Variants in PTGES observed in about 807,000 individuals in gnomAD.
PTGES encodes MGST1-like 1.
In PTGES, 3 loss-of-function variants were observed where a neutral mutation model predicts 11.8. The observed-to-expected ratio is 0.25, with a 90% CI of 0.12 to 0.66. PTGES has a LOEUF of 0.66. PTGES is among the 30% of genes least tolerant of loss of function. PTGES has a pLI of 0.82. For missense variants in PTGES, 180 were observed against 213.0 expected (o/e 0.85, Z 0.96); for synonymous variants, 94 against 90.4 (o/e 1.04, Z -0.22).
At chr9:129,752,844 A>G (rs762632042) in intron 1 of PTGES, 43 bp downstream of exon 1, 3 of 1,613,556 alleles carry the variant, frequency 1.9e-6, no homozygotes, top group Admixed American at 3.3e-5. Flanking sequence ...CGTGGAGAGA[A>G]GCAAGTATGA....
intron 1 of PTGES, among the ~76,000 whole-genome samples, chr9:129,752,133 G>C (rs1238875519): frequency 2.0e-5 from 3 of 152,204 alleles, no homozygotes; most frequent in Non-Finnish European, 4.4e-5. Context: ...GCCTCACCTC[G>C]CCTTTGAACT....
At chr9:129,750,578 G>A (rs781097282) in intron 1 of PTGES, among the ~76,000 whole-genome samples, 1 of 152,218 alleles carries the variant, frequency 6.6e-6, no homozygotes, top group African/African-American at 2.4e-5. Flanking sequence ...CTGCAGTGCA[G>A]GCCAGGAAGC....
At chr9:129,748,589 C>T (rs1833069653) in intron 2 of PTGES, 66 bp downstream of exon 2, 2 of 1,335,756 alleles carry the variant, frequency 1.5e-6, no homozygotes, top group Non-Finnish European at 2.0e-6. Context: ...CCCCTGTGTG[C>T]AGAAGAAGTT....
In PTGES at chr9:129,752,908, G is replaced by A. The variant is rs1344926008; in HGVS notation, c.105C>T (p.Gly35=). The A allele has an allele frequency of 6.2e-7, 1 of 1,613,814 alleles. No individual in the cohort carries two copies. Among genetic ancestry groups the A allele is most frequent in the Non-Finnish European group, 8.5e-7 (1 of 1,180,052 alleles). The change falls in exon 1 of 3, where the codon GGC becomes GGT. Residue 35 remains glycine, a synonymous_variant. Coordinates refer to ENST00000340607, the MANE Select transcript of PTGES (RefSeq NM_004878.5). ...ATACCTTCTTCCGCAGCCTCACTTG[G>A]CCCGTGATGATGGCCACCACGTACA... is the stretch of plus-strand genomic sequence containing the variant. ...IKMYVVAIIT[G]QVRLRKKAFA... is the part of the protein sequence containing the mutation.
At position 129,744,891 on chromosome 9, in the gene PTGES, A is replaced by AT. The variant is rs1295428254; in HGVS notation, c.209+3763dup. ...AAAGTCCATCTCAAAAAAAAAAAAA[A>AT]TTTTTTTTGAGTACTTCGTGGTGCA... On this transcript the variant is annotated intron_variant, in intron 2 of 2. Coordinates refer to ENST00000340607, the MANE Select transcript of PTGES (RefSeq NM_004878.5). 3.3e-5 allele frequency among the ~76,000 whole-genome samples: 5 copies of AT among 151,482 alleles called. No individual in the cohort carries two copies. In the East Asian group the frequency reaches 9.7e-4, roughly 29 times the overall value.
At chr9:129,743,237 C>T (rs1308791048) in intron 2 of PTGES, among the ~76,000 whole-genome samples, 2 of 152,182 alleles carry the variant, frequency 1.3e-5, no homozygotes, top group South Asian at 2.1e-4. Context: ...TGTCTCAAAC[C>T]GCAGAGGGGC....
At chr9:129,748,770 G>T in intron 1 of PTGES, 33 bp from the exon 2 acceptor site, 1 of 1,536,024 alleles carries the variant, frequency 6.5e-7, no homozygotes, top group East Asian at 2.4e-5. Context: ...CACTCCTCGT[G>T]AGACAAACGG....
chr9:129,747,276 T>C (rs188128582), intron 2 of PTGES, among the ~76,000 whole-genome samples: 15 of 152,336 alleles, frequency 9.8e-5, no homozygotes, highest in Non-Finnish European at 2.9e-5. Flanking sequence ...GAACTCCAAA[T>C]TGGGTGTACC....
At chr9:129,751,841 G>A (rs1019955729) in intron 1 of PTGES, among the ~76,000 whole-genome samples, 7 of 152,160 alleles carry the variant, frequency 4.6e-5, no homozygotes, top group African/African-American at 7.2e-5. Flanking sequence ...GGGCTGTGGC[G>A]GGGATCTCAT....
chr9:129,740,664 G>C (rs1234991747), intron 2 of PTGES, among the ~76,000 whole-genome samples: 1 of 152,144 alleles, frequency 6.6e-6, no homozygotes, highest in African/African-American at 2.4e-5. Context: ...GACCAAGAAA[G>C]AAAACTCAGA....
intron 1 of PTGES, among the ~76,000 whole-genome samples, chr9:129,751,668 A>G (rs374115796): frequency 6.2e-4 from 95 of 152,056 alleles, no homozygotes; most frequent in Non-Finnish European, 1.1e-3. Flanking sequence ...AGCAGAAAAA[A>G]AAAACAAAAC....
At chr9:129,740,150 C>T (rs980373031) in intron 2 of PTGES, among the ~76,000 whole-genome samples, 3 of 151,996 alleles carry the variant, frequency 2.0e-5, no homozygotes, top group Non-Finnish European at 1.5e-5. Flanking sequence ...TATGGCTTGC[C>T]GGGACCCCAC....
rs1306981814 is a variant in PTGES, at chr9:129,738,515, C to T, written c.*1096G>A. On this transcript the variant is annotated 3_prime_UTR_variant, in exon 3 of 3. Transcript: ENST00000340607. The surrounding 1 kb of genome is among the most constrained non-coding windows in gnomAD (Gnocchi z 4.2). The stretch of plus-strand genomic sequence containing the variant: ...CCAAACCTTGAAGATACTGAAGGGA[C>T]CAGAAAGTTCCTTTGAGTGGCTGGT... 6.6e-6 allele frequency: 1 copy of T among 151,702 alleles called. No individual in the cohort carries two copies. Among genetic ancestry groups the T allele is most frequent in the East Asian group, 1.9e-4 (1 of 5,172 alleles). The allele number at this position is 151,702 out of a possible 1,614,324, so 9.4% of individuals were successfully genotyped here. A position where few individuals can be genotyped will look rare whatever the true frequency, so the allele number is the denominator to read the frequency against.
At chr9:129,742,328 C>CAAAAAAAA (rs1194614585) in intron 2 of PTGES, among the ~76,000 whole-genome samples, 1 of 51,044 alleles carries the variant, frequency 2.0e-5, no homozygotes, top group Non-Finnish European at 4.3e-5. Context: ...GACTCTGTCT[C>CAAAAAAAA]AAAAAAAAAA....
chr9:129,742,388 T>C (rs950980741), intron 2 of PTGES, among the ~76,000 whole-genome samples: 2 of 149,986 alleles, frequency 1.3e-5, no homozygotes, highest in African/African-American at 4.9e-5. Flanking sequence ...CCTCTGGCAA[T>C]TGAGCTGTGG....
intron 2 of PTGES, among the ~76,000 whole-genome samples, chr9:129,747,113 A>G (rs566515702): frequency 7.1e-6 from 1 of 140,220 alleles, no homozygotes; most frequent in East Asian, 2.3e-4. Flanking sequence ...GGGTCTCGCC[A>G]TGTTGGCCAG....
rs1393270418 is a variant in PTGES, at chr9:129,738,825, A to G, written c.*786T>C. 1.3e-5 allele frequency: 2 copies of G among 152,240 alleles called. No individual in the cohort carries two copies. Among genetic ancestry groups the G allele is most frequent in the African/African-American group, 4.8e-5 (2 of 41,438 alleles). 9.4% of individuals were successfully genotyped at this position (152,240 alleles called of 1,614,324 possible). On this transcript the variant is annotated 3_prime_UTR_variant, in exon 3 of 3. Coordinates refer to ENST00000340607, the MANE Select transcript of PTGES (RefSeq NM_004878.5). This position sits in a 1 kb window ranked among gnomAD's most constrained non-coding sequence, Gnocchi z 4.2. ...TGGCCTGGCCATCACAGGGACTCAC[A>G]TGGGAGCCTTTTAAAACTCCAGATG... is the stretch of plus-strand genomic sequence containing the variant.
rs1184161797 is a variant in PTGES at position 129,745,158 on chromosome 9, G to A, written c.209+3497C>T. ...GAAATGCTCCAAGCTTAGGTCGCAC[G>A]TTTGCCTCTCTTCTTTGGGACCACA... On this transcript the variant is annotated intron_variant, in intron 2 of 2. Transcript: ENST00000340607. The surrounding 1 kb of genome is among the most constrained non-coding windows in gnomAD (Gnocchi z 4.2). Among the ~76,000 whole-genome samples the A allele has an allele frequency of 3.9e-5, 6 of 152,110 alleles. No homozygotes were observed. Among genetic ancestry groups the A allele is most frequent in the Non-Finnish European group, 8.8e-5 (6 of 68,024 alleles).
chr9:129,749,700 A>G (rs1205819072), intron 1 of PTGES: 1 of 151,696 alleles, frequency 6.6e-6, no homozygotes, highest in Non-Finnish European at 1.5e-5. Flanking sequence ...ATTGACATTA[A>G]CCAGATGAAG....
Sources: allele counts gnomAD v4.1 joint callset (sites outside exome capture counted in the v4.1 genomes callset), GRCh38; gene constraint gnomAD v4.1.1; non-coding constraint Gnocchi (gnomAD v3.1); transcripts MANE v1.5; gene names NCBI Gene and HGNC (gene_info 2026-07-23, HGNC 2026-07-21).